The following DNAJC24 variants were observed in gnomAD, a reference collection of about 807,000 sequenced individuals.
The protein encoded by DNAJC24 is dnaJ homolog subfamily C member 24.
DNAJC24 carries 17 observed loss-of-function variants against 18.0 expected under a neutral mutation model. The ratio of observed to expected loss-of-function variants is 0.94; its 90% confidence interval spans 0.65 to 1.42. The LOEUF (loss-of-function observed/expected upper bound fraction) is 1.42. Ranked by LOEUF, DNAJC24 falls within the 40% of genes most tolerant of loss-of-function variation. The probability of loss-of-function intolerance (pLI) is 0.00; values close to 1 mark genes in which losing one functional copy is unlikely to be tolerated. For synonymous variants in DNAJC24, 55 were observed against 57.7 expected (o/e 0.95, Z 0.21); for missense variants, 158 against 175.6 (o/e 0.90, Z 0.57).
chr11:31,426,241 A>G (rs778339017), intron 3 of DNAJC24, 46 bp from the exon 4 acceptor site: 3 of 1,229,346 alleles, frequency 2.4e-6, no homozygotes, highest in African/African-American at 3.1e-5. Flanking sequence ...GGTTACAATT[A>G]AAGTATCATG....
At chr11:31,427,622 A>C (rs1169466884) in intron 4 of DNAJC24, 2 of 152,128 alleles carry the variant, frequency 1.3e-5, no homozygotes, top group Non-Finnish European at 2.9e-5. Context: ...AAGGAGACTA[A>C]ATATGTTTTG....
chr11:31,372,481 C>G (rs1952275228), intron 2 of DNAJC24, among the ~76,000 whole-genome samples: 1 of 135,138 alleles, frequency 7.4e-6, no homozygotes, highest in African/African-American at 2.5e-5. Context: ...TCAGCAGAAT[C>G]AAGTAGACTT....
At chr11:31,408,088 A>G (rs1310531617) in intron 2 of DNAJC24, 1 of 455,922 alleles carries the variant, frequency 2.2e-6, no homozygotes, top group Admixed American at 2.4e-5. Flanking sequence ...AACACATTGC[A>G]ATTTTCATTG....
intron 2 of DNAJC24, among the ~76,000 whole-genome samples, chr11:31,400,304 T>G (rs1477177354): frequency 6.6e-6 from 1 of 152,194 alleles, no homozygotes; most frequent in Non-Finnish European, 1.5e-5. Context: ...AAATGGTATT[T>G]CTGGTTCTAG....
At chr11:31,389,289 A>G (rs1952463383) in intron 2 of DNAJC24, among the ~76,000 whole-genome samples, 1 of 152,212 alleles carries the variant, frequency 6.6e-6, no homozygotes, top group African/African-American at 2.4e-5. Flanking sequence ...AGAAACACAT[A>G]GACTTAAAGG....
In DNAJC24 at chr11:31,398,275, A is replaced by G. The variant is rs530552639; in HGVS notation, c.112-16536A>G. Among the ~76,000 whole-genome samples, 1,212 of 150,908 alleles carry G rather than the reference A, an allele frequency of 8.0e-3. 11 individuals are homozygous for G. Among genetic ancestry groups the G allele is most frequent in the South Asian group, 0.021 (98 of 4,778 alleles). On this transcript the variant is annotated intron_variant, in intron 2 of 4. Transcript: ENST00000465995. ...CTATCTTGTTTATTGAGCTTCATTT[A>G]GTTGACTTTCTCTCATCATTAGGTA...
intron 2 of DNAJC24, among the ~76,000 whole-genome samples, chr11:31,404,353 T>G (rs1952633492): frequency 1.3e-5 from 2 of 152,306 alleles, no homozygotes; most frequent in Non-Finnish European, 2.9e-5. Flanking sequence ...TTTTGTGACT[T>G]TAACTTCCTT....
chr11:31,385,059 C>T (rs925090365), intron 2 of DNAJC24: 59 of 152,310 alleles, frequency 3.9e-4, no homozygotes, highest in African/African-American at 1.4e-3. Context: ...ATGATTACTT[C>T]ACAATCACAG....
Position 31,432,528 on chromosome 11 carries a change from G to A in DNAJC24, c.*2127G>A, listed in dbSNP as rs1436134321. ...ATCATCAGAAAATCTGTGGCCATTA[G>A]GGCTGGCACGTAAAAATCCAAAATC... On this transcript the variant is annotated 3_prime_UTR_variant, in exon 5 of 5. Coordinates refer to ENST00000465995, the MANE Select transcript of DNAJC24 (RefSeq NM_181706.5). The A allele has an allele frequency of 4.3e-6, 7 of 1,613,086 alleles. No homozygotes were observed. Among genetic ancestry groups the A allele is most frequent in the Non-Finnish European group, 5.9e-6 (7 of 1,179,348 alleles).
chr11:31,376,956 A>T (rs1389021447), intron 2 of DNAJC24, among the ~76,000 whole-genome samples: 1 of 152,252 alleles, frequency 6.6e-6, no homozygotes, highest in Admixed American at 6.5e-5. Context: ...AGGGAAAAGC[A>T]TATTATTTAT....
At chr11:31,410,431 G>A (rs1474500533) in intron 2 of DNAJC24, among the ~76,000 whole-genome samples, 1 of 152,130 alleles carries the variant, frequency 6.6e-6, no homozygotes, top group African/African-American at 2.4e-5. Context: ...TCTGATACAA[G>A]TCCTTTGTTA....
At chr11:31,410,975 T>C (rs1952703071) in intron 2 of DNAJC24, among the ~76,000 whole-genome samples, 1 of 152,156 alleles carries the variant, frequency 6.6e-6, no homozygotes, top group East Asian at 1.9e-4. Context: ...TTTTATTTGA[T>C]AGGTGAATGA....
At chr11:31,394,910 G>T (rs1053262110) in intron 2 of DNAJC24, among the ~76,000 whole-genome samples, 1 of 152,094 alleles carries the variant, frequency 6.6e-6, no homozygotes. Flanking sequence ...GTTTTGTATT[G>T]TTATAACATT....
At chr11:31,406,781 A>G (rs1952661606) in intron 2 of DNAJC24, among the ~76,000 whole-genome samples, 1 of 152,174 alleles carries the variant, frequency 6.6e-6, no homozygotes, top group South Asian at 2.1e-4. Context: ...TATTGGGAAT[A>G]GAAAGGAAAT....
At position 31,370,752 on chromosome 11, in the gene DNAJC24, A is replaced by C; in HGVS notation, c.4A>C (p.Met2Leu). Residue 2 changes from methionine (M) to leucine (L), a missense_variant, in exon 2 of 5, where the codon ATG becomes CTG. Coordinates refer to ENST00000465995, the MANE Select transcript of DNAJC24 (RefSeq NM_181706.5). Reference protein sequence around the residue: MMAVEQMPKKDW... With the variant: MLAVEQMPKKDW... ...AGGCCCACTTCTGGTTCCATGGATG[A>C]TGGCGGTTGAGCAGATGCCAAAAAA... 6.2e-7 allele frequency: 1 copy of C among 1,604,514 alleles called. No individual in the cohort carries two copies. Among genetic ancestry groups the C allele is most frequent in the Non-Finnish European group, 8.5e-7 (1 of 1,176,052 alleles).
chr11:31,412,185 A>G (rs971303631), intron 2 of DNAJC24, among the ~76,000 whole-genome samples: 4 of 152,150 alleles, frequency 2.6e-5, no homozygotes, highest in African/African-American at 9.7e-5. Context: ...GCAGCCAGGA[A>G]TTAATTCCTG....
intron 2 of DNAJC24, among the ~76,000 whole-genome samples, chr11:31,371,814 C>CTT (rs1196949855): frequency 1.9e-4 from 14 of 73,856 alleles, no homozygotes; most frequent in Non-Finnish European, 2.8e-4. Context: ...TATCAGTTGA[C>CTT]TTTTTTTTTT....
chr11:31,387,762 A>T (rs1952444045), intron 2 of DNAJC24, among the ~76,000 whole-genome samples: 1 of 152,198 alleles, frequency 6.6e-6, no homozygotes, highest in Non-Finnish European at 1.5e-5. Context: ...CTCACCAAAC[A>T]AACTAAATAA....
At chr11:31,376,919 T>C (rs1441276427) in intron 2 of DNAJC24, among the ~76,000 whole-genome samples, 1 of 152,138 alleles carries the variant, frequency 6.6e-6, no homozygotes, top group East Asian at 1.9e-4. Flanking sequence ...GTTTAGACTT[T>C]CTAATAGATT....
Sources: gnomAD v4.1 joint callset for allele counts (sites outside exome capture counted in the v4.1 genomes callset) on GRCh38, gnomAD v4.1.1 for gene constraint, MANE v1.5 for transcripts, NCBI Gene and HGNC (gene_info 2026-07-23, HGNC 2026-07-21) for gene names.